Variants in GPR158 observed in about 807,000 individuals in gnomAD.
The protein encoded by GPR158 is metabotropic glycine receptor.
A neutral mutation model predicts 78.2 loss-of-function variants in GPR158; 30 were observed. The ratio of observed to expected loss-of-function variants is 0.38; its 90% confidence interval spans 0.29 to 0.52. The LOEUF is 0.52. Ranked by LOEUF, GPR158 falls within the 20% of genes least tolerant of loss-of-function variation. GPR158 has a pLI of 0.83. For synonymous variants in GPR158, 581 were observed against 591.1 expected, an observed-to-expected ratio of 0.98 and a Z score of 0.25; for missense variants, 1,463 against 1,523.5, an observed-to-expected ratio of 0.96 and a Z score of 0.66.
At chr10:25,525,656 C>G (rs1836336974) in intron 5 of GPR158, among the ~76,000 whole-genome samples, 1 of 152,028 alleles carries the variant, frequency 6.6e-6, no homozygotes, top group Non-Finnish European at 1.5e-5. Context: ...CTGCCTGTGG[C>G]AGGGGAAGAA....
intron 1 of GPR158, among the ~76,000 whole-genome samples, chr10:25,187,024 G>A (rs1266182227): frequency 6.7e-6 from 1 of 149,188 alleles, no homozygotes; most frequent in African/African-American, 2.5e-5. Flanking sequence ...GAGTGCAGTG[G>A]GGCGATCTCG....
Position 25,201,749 on chromosome 10 carries a change from T to TTA in GPR158, c.903-19303_903-19302insTA, listed in dbSNP as rs368479312. 7.3e-3 allele frequency among the ~76,000 whole-genome samples: 1,105 copies of TTA among 152,164 alleles called. 21 individuals are homozygous for TTA. The highest frequency in any genetic ancestry group is 0.025 in the African/African-American group (1,048 of 41,516). ...CTATTGAGATGATCCTGTTTTTTTT[T>TTA]AATTCTGTTTATATGGTGAATCACA... On this transcript the variant is annotated intron_variant, in intron 1 of 10. Transcript: ENST00000376351.
At chr10:25,189,339 A>ATG (rs1852736641) in intron 1 of GPR158, among the ~76,000 whole-genome samples, 1 of 152,194 alleles carries the variant, frequency 6.6e-6, no homozygotes, top group African/African-American at 2.4e-5. Flanking sequence ...GCACACTTGT[A>ATG]TTTATTGCAG....
chr10:25,282,916 T>G (rs1221758050), intron 2 of GPR158, among the ~76,000 whole-genome samples: 2 of 152,130 alleles, frequency 1.3e-5, no homozygotes, highest in East Asian at 3.8e-4. Flanking sequence ...TTTTCTAATA[T>G]TTTGTTACAG....
At chr10:25,336,520 G>A (rs112796708) in intron 2 of GPR158, among the ~76,000 whole-genome samples, 2,565 of 152,064 alleles carry the variant, frequency 0.017, 18 homozygotes, top group African/African-American at 0.024. Flanking sequence ...ATCTTATCCT[G>A]TTTGGTGCAA....
intron 4 of GPR158, among the ~76,000 whole-genome samples, chr10:25,464,629 G>A (rs1835398225): frequency 6.6e-6 from 1 of 152,122 alleles, no homozygotes; most frequent in Non-Finnish European, 1.5e-5. Context: ...ACACAAAGTG[G>A]TTATTTCATA....
chr10:25,320,912 C>T (rs906150164), intron 2 of GPR158, among the ~76,000 whole-genome samples: 2 of 152,166 alleles, frequency 1.3e-5, no homozygotes, highest in Non-Finnish European at 2.9e-5. Context: ...ATGTATCTAA[C>T]TCAGGAGAAA....
intron 1 of GPR158, among the ~76,000 whole-genome samples, chr10:25,212,368 C>G (rs182043676): frequency 6.6e-6 from 1 of 152,044 alleles, no homozygotes; most frequent in East Asian, 1.9e-4. Flanking sequence ...CCGGAACTTA[C>G]GAGAACATAC....
At chr10:25,505,821 C>T (rs1420861876) in intron 5 of GPR158, among the ~76,000 whole-genome samples, 1 of 152,128 alleles carries the variant, frequency 6.6e-6, no homozygotes, top group Non-Finnish European at 1.5e-5. Flanking sequence ...CTGGGTAGTT[C>T]CTACTTGTCC....
intron 2 of GPR158, among the ~76,000 whole-genome samples, chr10:25,378,736 A>C (rs1754249): frequency 0.66 from 100,488 of 151,998 alleles, 34,295 homozygotes; most frequent in Non-Finnish European, 0.75. Flanking sequence ...CTTTCTTATA[A>C]AAAGTAAGAT....
chr10:25,479,857 A>G (rs1835641277), intron 5 of GPR158, among the ~76,000 whole-genome samples: 1 of 152,026 alleles, frequency 6.6e-6, no homozygotes, highest in South Asian at 2.1e-4. Context: ...CGTGATACAT[A>G]AGTTATGGAT....
intron 2 of GPR158, among the ~76,000 whole-genome samples, chr10:25,262,580 G>A (rs1853982583): frequency 6.6e-6 from 1 of 152,044 alleles, no homozygotes; most frequent in Admixed American, 6.6e-5. Context: ...ATTTTTAAGA[G>A]CAATTCCAGG....
intron 7 of GPR158, among the ~76,000 whole-genome samples, chr10:25,576,392 A>G (rs77795562): frequency 0.01 from 1,593 of 152,244 alleles, 36 homozygotes; most frequent in African/African-American, 0.037. Flanking sequence ...CTTTAGTAAC[A>G]TAGACTGTTT....
chr10:25,459,771 A>ACATGGAATT (rs1395332557), intron 4 of GPR158, among the ~76,000 whole-genome samples: 2 of 152,190 alleles, frequency 1.3e-5, no homozygotes, highest in Admixed American at 6.5e-5. Context: ...TGGCATCCAA[A>ACATGGAATT]CATGGAATTT....
At chr10:25,520,453 C>T (rs1836245267) in intron 5 of GPR158, among the ~76,000 whole-genome samples, 1 of 150,546 alleles carries the variant, frequency 6.6e-6, no homozygotes, top group African/African-American at 2.5e-5. Context: ...AGGCGTTCTG[C>T]GTTTTAGAGT....
intron 5 of GPR158, among the ~76,000 whole-genome samples, chr10:25,533,877 C>A (rs1836456741): frequency 6.6e-6 from 1 of 152,146 alleles, no homozygotes; most frequent in South Asian, 2.1e-4. Flanking sequence ...AGCTATGTGA[C>A]CTGGGGCAAA....
intron 1 of GPR158, among the ~76,000 whole-genome samples, chr10:25,204,764 A>G (rs111299443): frequency 6.7e-6 from 1 of 150,162 alleles, no homozygotes; most frequent in Non-Finnish European, 1.5e-5. Context: ...CCATTTTTTA[A>G]AAAATAAGTT....
chr10:25,585,482 T>G (rs966455399), intron 7 of GPR158, among the ~76,000 whole-genome samples: 2 of 152,194 alleles, frequency 1.3e-5, no homozygotes, highest in African/African-American at 4.8e-5. Context: ...CTCTGCATTG[T>G]GCTGTATACG....
intron 5 of GPR158, among the ~76,000 whole-genome samples, chr10:25,505,397 A>G (rs761702259): frequency 5.9e-5 from 9 of 152,306 alleles, no homozygotes; most frequent in East Asian, 1.9e-4. Context: ...CTCTTGCCTC[A>G]TGCTTTAAGA....
Sources: allele counts gnomAD v4.1 joint callset (sites outside exome capture counted in the v4.1 genomes callset), GRCh38; gene constraint gnomAD v4.1.1; transcripts MANE v1.5; gene names NCBI Gene and HGNC (gene_info 2026-07-23, HGNC 2026-07-21).